The following ROCK2 variants were observed in gnomAD, a reference collection of about 807,000 sequenced individuals.
The protein encoded by ROCK2 is Rho associated coiled-coil containing protein kinase 2, also known as rho-associated protein kinase 2.
ROCK2 carries 61 observed loss-of-function variants against 195.1 expected under a neutral mutation model. That is an observed-to-expected ratio of 0.31 (90% CI 0.25 to 0.39). The LOEUF (loss-of-function observed/expected upper bound fraction) is 0.39. Ranked by LOEUF, ROCK2 falls within the 10% of genes least tolerant of loss-of-function variation. The pLI, the probability that ROCK2 is intolerant of heterozygous loss-of-function variation, is 1.00. For synonymous variants in ROCK2, 504 were observed against 545.5 expected (o/e 0.92, Z 1.06); for missense variants, 1,109 against 1,637.4 (o/e 0.68, Z 5.57).
At position 11,208,349 on chromosome 2, in the gene ROCK2, G is replaced by A; in HGVS notation, c.2302C>T (p.Leu768Phe). Residue 768 changes from leucine to phenylalanine, a missense_variant, in exon 19 of 33, where the codon CTC (leucine) becomes TTC (phenylalanine). By Grantham distance (22) the Leu-to-Phe change is conservative. Transcript: ENST00000315872. ...TTTATTTTCTGCTGTGACTGTTTGA[G>A]GTCACAGTCTAATAGAGAACATCTT... ...EKRCSLLDCD[L>F]KQSQQKINEL... is the part of the protein sequence containing the mutation. The A allele has an allele frequency of 6.6e-7, 1 of 1,520,462 alleles. No individual in the cohort carries two copies. Among genetic ancestry groups the A allele is most frequent in the South Asian group, 1.3e-5 (1 of 74,498 alleles). The allele number at this position is 1,520,462 out of a possible 1,614,324, so 94.2% of individuals were successfully genotyped here.
At chr2:11,207,960 T>C in intron 19 of ROCK2, 50 bp from the exon 20 acceptor site, 1 of 1,310,682 alleles carries the variant, frequency 7.6e-7, no homozygotes, top group Non-Finnish European at 1.0e-6. Flanking sequence ...TTTCCATTTT[T>C]CTAATCAATG....
intron 3 of ROCK2, among the ~76,000 whole-genome samples, chr2:11,278,122 A>AT (rs1468974099): frequency 1.3e-5 from 2 of 152,156 alleles, no homozygotes; most frequent in Non-Finnish European, 2.9e-5. Flanking sequence ...TCTTTTAGAG[A>AT]TTTTTTGAAA....
intron 3 of ROCK2, among the ~76,000 whole-genome samples, chr2:11,277,993 G>A (rs1666883442): frequency 6.6e-6 from 1 of 152,110 alleles, no homozygotes; most frequent in African/African-American, 2.4e-5. Flanking sequence ...TATTTATGGT[G>A]TTCAACATGG....
In ROCK2 at chr2:11,201,298, T is replaced by C; in HGVS notation, c.2723+12A>G. 1 of 1,580,162 alleles carries C rather than the reference T, an allele frequency of 6.3e-7. No homozygotes were observed. The highest frequency in any genetic ancestry group is 8.7e-7 in the Non-Finnish European group (1 of 1,149,874). ...AGCTATGAACAAAAAGAGACAAGGGTCTCATACTTACCGTTCATCCTGTAA... is the reference window on the plus strand; with the variant it reads ...AGCTATGAACAAAAAGAGACAAGGGCCTCATACTTACCGTTCATCCTGTAA... On this transcript the variant is annotated intron_variant, in intron 22 of 32. Coordinates refer to ENST00000315872, the MANE Select transcript of ROCK2 (RefSeq NM_004850.5). The surrounding 1 kb of genome is among the most constrained non-coding windows in gnomAD (Gnocchi z 4.6).
intron 1 of ROCK2, among the ~76,000 whole-genome samples, chr2:11,307,868 C>T (rs977968943): frequency 2.1e-4 from 32 of 152,040 alleles, no homozygotes; most frequent in East Asian, 7.7e-4. Flanking sequence ...CAACTATCGG[C>T]GAAAAATGGG....
chr2:11,330,836 GA>G (rs140021247), intron 1 of ROCK2, among the ~76,000 whole-genome samples: 2 of 3,630 alleles, frequency 5.5e-4, no homozygotes, highest in African/African-American at 8.0e-4. Context: ...GGGGGAGGAA[GA>G]GGGAGGAGGA....
At chr2:11,238,836 G>A (rs1464290268) in intron 4 of ROCK2, among the ~76,000 whole-genome samples, 1 of 152,150 alleles carries the variant, frequency 6.6e-6, no homozygotes, top group Non-Finnish European at 1.5e-5. Flanking sequence ...AACACAGTGA[G>A]ATATGAGTAC....
intron 3 of ROCK2, among the ~76,000 whole-genome samples, chr2:11,285,014 G>A (rs1345631447): frequency 1.3e-5 from 2 of 152,166 alleles, no homozygotes; most frequent in East Asian, 3.9e-4. Flanking sequence ...TGTAATCCCA[G>A]CATTTTGGGA....
chr2:11,313,661 T>C (rs1444930215), intron 1 of ROCK2, among the ~76,000 whole-genome samples: 3 of 151,980 alleles, frequency 2.0e-5, no homozygotes, highest in Non-Finnish European at 4.4e-5. Context: ...TCGTTTAGTT[T>C]TGTTCACTTT....
At chr2:11,298,287 T>C (rs373588542) in intron 1 of ROCK2, among the ~76,000 whole-genome samples, 12 of 152,036 alleles carry the variant, frequency 7.9e-5, no homozygotes, top group African/African-American at 1.7e-4. Flanking sequence ...CTGACCAACA[T>C]TGTGAAACCC....
At chr2:11,258,295 A>G (rs1666105914) in intron 3 of ROCK2, among the ~76,000 whole-genome samples, 1 of 151,356 alleles carries the variant, frequency 6.6e-6, no homozygotes, top group African/African-American at 2.5e-5. Flanking sequence ...TATTTCCCAA[A>G]CTTCATGCAT....
chr2:11,211,420 G>T (rs1056691407), intron 18 of ROCK2, among the ~76,000 whole-genome samples: 1 of 152,086 alleles, frequency 6.6e-6, no homozygotes, highest in African/African-American at 2.4e-5. Context: ...ATAATATTGA[G>T]AAATATTAAT....
chr2:11,193,519 G>A (rs1202445141), intron 30 of ROCK2, among the ~76,000 whole-genome samples: 1 of 151,906 alleles, frequency 6.6e-6, no homozygotes, highest in Non-Finnish European at 1.5e-5. Flanking sequence ...CAAAAATATA[G>A]CAAAGACCAG....
intron 32 of ROCK2, among the ~76,000 whole-genome samples, chr2:11,190,980 C>T (rs556975196): frequency 4.6e-5 from 7 of 152,258 alleles, no homozygotes; most frequent in African/African-American, 1.7e-4. Flanking sequence ...ATTTTCACTG[C>T]TGAAACACCA....
intron 1 of ROCK2, among the ~76,000 whole-genome samples, chr2:11,291,812 G>A (rs1177934048): frequency 6.6e-6 from 1 of 152,140 alleles, no homozygotes; most frequent in East Asian, 1.9e-4. Context: ...ACTGATTATA[G>A]ATAAACAGAA....
At chr2:11,305,429 A>T (rs1667825626) in intron 1 of ROCK2, among the ~76,000 whole-genome samples, 1 of 133,798 alleles carries the variant, frequency 7.5e-6, no homozygotes, top group South Asian at 2.6e-4. Flanking sequence ...ATGTAGATAA[A>T]TGTCTGTGTG....
intron 3 of ROCK2, among the ~76,000 whole-genome samples, chr2:11,264,883 G>C (rs981523364): frequency 6.6e-6 from 1 of 152,154 alleles, no homozygotes; most frequent in African/African-American, 2.4e-5. Context: ...ATACTATACA[G>C]CCAATACAAG....
At chr2:11,330,939 GA>G (rs374724337) in intron 1 of ROCK2, among the ~76,000 whole-genome samples, 14 of 758 alleles carry the variant, frequency 0.018, no homozygotes, top group Admixed American at 0.02. Context: ...GAGGAGGGAG[GA>G]AGGGGGGAGG....
At chr2:11,244,288 A>T (rs1014088771) in intron 4 of ROCK2, among the ~76,000 whole-genome samples, 4 of 152,156 alleles carry the variant, frequency 2.6e-5, no homozygotes, top group African/African-American at 9.7e-5. Flanking sequence ...GCAAAGCCTA[A>T]ATATTTACCA....
Sources: allele counts gnomAD v4.1 joint callset (sites outside exome capture counted in the v4.1 genomes callset), GRCh38; gene constraint gnomAD v4.1.1; non-coding constraint Gnocchi (gnomAD v3.1); transcripts MANE v1.5; gene names NCBI Gene and HGNC (gene_info 2026-07-23, HGNC 2026-07-21).